SLC15A2: variants seen among roughly 807,000 people sequenced by gnomAD.
SLC15A2 encodes the protein solute carrier family 15 member 2.
In SLC15A2, 77 loss-of-function variants were observed where a neutral mutation model predicts 95.5. The ratio of observed to expected loss-of-function variants is 0.81; its 90% CI spans 0.67 to 0.97. SLC15A2 has a LOEUF of 0.97. Among genes scored for constraint, SLC15A2 ranks in the 50% least tolerant of loss-of-function variants. The pLI, the probability that SLC15A2 is intolerant of heterozygous loss-of-function variation, is 0.00. For missense variants in SLC15A2, 893 were observed against 874.4 expected, an observed-to-expected ratio of 1.02 and a Z score of -0.27; for synonymous variants, 306 against 306.9, an observed-to-expected ratio of 1.00 and a Z score of 0.03.
chr3:121,898,246 A>T (rs1430211266), intron 3 of SLC15A2, among the ~76,000 whole-genome samples: 1 of 151,268 alleles, frequency 6.6e-6, no homozygotes, highest in Admixed American at 6.6e-5. Flanking sequence ...GAGTTATCCC[A>T]CCTCCTTTAG....
intron 19 of SLC15A2, among the ~76,000 whole-genome samples, chr3:121,931,975 C>T (rs1256350600): frequency 6.6e-6 from 1 of 152,194 alleles, no homozygotes; most frequent in Non-Finnish European, 1.5e-5. Flanking sequence ...TCTCGACTCA[C>T]TGCAACCTCT....
At chr3:121,933,651 T>G (rs1710278093) in intron 19 of SLC15A2, among the ~76,000 whole-genome samples, 1 of 151,672 alleles carries the variant, frequency 6.6e-6, no homozygotes, top group South Asian at 2.1e-4. Flanking sequence ...CATTGTAGAT[T>G]CTGGATATTA....
At position 121,942,528 on chromosome 3, in the gene SLC15A2, C is replaced by T. The variant is rs1436910796; in HGVS notation, c.*1521C>T. 1 of 152,086 alleles carries T rather than the reference C, an allele frequency of 6.6e-6. No homozygotes were observed. The highest frequency in any genetic ancestry group is 2.4e-5 in the African/African-American group (1 of 41,414). 9.4% of individuals were successfully genotyped at this position (152,086 alleles called of 1,614,324 possible). ...AGGTAAGAGAAATTGCTCTAAGTGC[C>T]CAAACTTTATATACTTCAGTTTTAA... On this transcript the variant is annotated 3_prime_UTR_variant, in exon 22 of 22. Transcript: ENST00000489711.
rs371513641 is a variant in SLC15A2, at chr3:121,911,666, C to A, written c.428C>A (p.Thr143Lys). ...ATACTGGGAGGACAAGTGGTACACA[C>A]GTGAGTAAAATCATGGAATCAACTA... ...LPILGGQVVHTVLSLIGLSLI... is the reference protein window; with the variant it reads ...LPILGGQVVHKVLSLIGLSLI... The change falls in exon 4 of 22, where the codon ACA (threonine) becomes AAA (lysine). Residue 143 changes from threonine to lysine, a missense_variant and splice_region_variant. Thr to Lys is a moderately conservative substitution (Grantham distance 78). Coordinates refer to ENST00000489711, the MANE Select transcript of SLC15A2 (RefSeq NM_021082.4). 4 of 1,594,040 alleles carry A rather than the reference C, an allele frequency of 2.5e-6. No individual in the cohort carries two copies. The highest frequency in any genetic ancestry group is 3.4e-6 in the Non-Finnish European group (4 of 1,161,950).
chr3:121,916,290 C>T (rs1709893005), intron 7 of SLC15A2, among the ~76,000 whole-genome samples: 1 of 152,098 alleles, frequency 6.6e-6, no homozygotes, highest in Middle Eastern at 3.2e-3. Context: ...AGAACCCAGT[C>T]CTGGAAGAGA....
In SLC15A2 at chr3:121,927,532, C is replaced by T. The variant is rs79921699; in HGVS notation, c.1125-226C>T. The T allele has an allele frequency of 1.6e-3, 756 of 462,444 alleles. 2 individuals carry two copies. Among genetic ancestry groups the T allele is most frequent in the African/African-American group, 0.013 (686 of 51,632 alleles). The allele number at this position is 462,444 out of a possible 1,614,324, so 28.6% of individuals were successfully genotyped here. A position where few individuals can be genotyped will look rare whatever the true frequency, so the allele number is the denominator to read the frequency against. ...GCTTCTCCCATGATTGAAAGCTCCT[C>T]GATGCTTCACCAGAAGCTGGAAGAT... On this transcript the variant is annotated intron_variant, in intron 13 of 21. Transcript: ENST00000489711.
At chr3:121,928,620 C>T (rs1316301) in intron 15 of SLC15A2, 65 bp downstream of exon 15, 695,335 of 1,525,004 alleles carry the variant, frequency 0.46, 162,874 homozygotes, top group East Asian at 0.72. Flanking sequence ...TTTTCCTTAA[C>T]ATTAATTGTA....
intron 7 of SLC15A2, among the ~76,000 whole-genome samples, chr3:121,921,471 T>A (rs9816071): frequency 0.45 from 67,983 of 151,800 alleles, 15,806 homozygotes; most frequent in East Asian, 0.69. Flanking sequence ...TTCCTTAATA[T>A]TCCTTCATGT....
At chr3:121,939,769 C>T (rs1049519529) in intron 20 of SLC15A2, among the ~76,000 whole-genome samples, 1 of 151,972 alleles carries the variant, frequency 6.6e-6, no homozygotes, top group Non-Finnish European at 1.5e-5. Context: ...GGCTGCATGA[C>T]CTATTGTGTA....
Position 121,911,265 on chromosome 3 carries a change from T to C in SLC15A2, c.336-309T>C, listed in dbSNP as rs185411618. On this transcript the variant is annotated intron_variant, in intron 3 of 21. Transcript: ENST00000489711. ...TTGTTCTTGTCATGTCTGTACAAAG[T>C]AGGGTTTCTCTGTGTGTGTGTGGAG... Among the ~76,000 whole-genome samples, 837 of 152,330 alleles carry C rather than the reference T, an allele frequency of 5.5e-3. 9 individuals are homozygous for C. Among genetic ancestry groups the C allele is most frequent in the African/African-American group, 0.019 (776 of 41,574 alleles).
chr3:121,937,842 T>A (rs1260293824), intron 19 of SLC15A2, among the ~76,000 whole-genome samples: 1 of 152,174 alleles, frequency 6.6e-6, no homozygotes, highest in Admixed American at 6.5e-5. Context: ...AGAGGTGCTC[T>A]GCTTTTTAGA....
At chr3:121,930,516 T>C (rs1328341892) in intron 17 of SLC15A2, among the ~76,000 whole-genome samples, 1 of 152,206 alleles carries the variant, frequency 6.6e-6, no homozygotes, top group Non-Finnish European at 1.5e-5. Context: ...ATAAATTAGA[T>C]GCACCTAAGC....
intron 7 of SLC15A2, among the ~76,000 whole-genome samples, chr3:121,921,777 G>C (rs568592806): frequency 6.6e-6 from 1 of 152,302 alleles, no homozygotes; most frequent in South Asian, 2.1e-4. Flanking sequence ...TCCTGAACAA[G>C]AGTGGTAGCA....
chr3:121,922,412 C>A (rs1397795694), intron 8 of SLC15A2, 110 bp downstream of exon 8: 2 of 770,536 alleles, frequency 2.6e-6, no homozygotes, highest in Admixed American at 5.3e-5. Flanking sequence ...GACCTCTATT[C>A]TATTTTCATG....
rs1477511465 is a variant in SLC15A2 at position 121,944,083 on chromosome 3, A to C, written c.*3076A>C. 2 of 152,262 alleles carry C rather than the reference A, an allele frequency of 1.3e-5. No individual in the cohort carries two copies. The highest frequency in any genetic ancestry group is 2.1e-4 in the South Asian group (1 of 4,836). The allele number at this position is 152,262 out of a possible 1,614,324, so 9.4% of individuals were successfully genotyped here. Reference sequence around the variant, plus strand: ...GGAAAAGAGGTATAAATGCAGTATTATAATCTAATGGGACCACCATCACAT... The same window carrying C: ...GGAAAAGAGGTATAAATGCAGTATTCTAATCTAATGGGACCACCATCACAT... On this transcript the variant is annotated 3_prime_UTR_variant, in exon 22 of 22. Transcript: ENST00000489711.
chr3:121,913,933 TTC>T (rs1412083301), intron 5 of SLC15A2, among the ~76,000 whole-genome samples: 2 of 147,246 alleles, frequency 1.4e-5, no homozygotes, highest in Admixed American at 6.8e-5. Context: ...CCTTCTCTCT[TTC>T]TCTCTCTCCC....
At position 121,942,610 on chromosome 3, in the gene SLC15A2, A is replaced by G. The variant is rs1710482478; in HGVS notation, c.*1603A>G. ...GCCAGACCAACCAGTTTTTCCAGAT[A>G]TCTTGATGTGAACCTGACCCTACTC... On this transcript the variant is annotated 3_prime_UTR_variant, in exon 22 of 22. Transcript: ENST00000489711. The G allele has an allele frequency of 6.6e-6, 1 of 152,296 alleles. No individual in the cohort carries two copies. Among genetic ancestry groups the G allele is most frequent in the African/African-American group, 2.4e-5 (1 of 41,572 alleles). 9.4% of individuals were successfully genotyped at this position (152,296 alleles called of 1,614,324 possible). A position where few individuals can be genotyped will look rare whatever the true frequency, so the allele number is the denominator to read the frequency against.
chr3:121,904,595 T>G (rs1370393836), intron 3 of SLC15A2, among the ~76,000 whole-genome samples: 1 of 152,236 alleles, frequency 6.6e-6, no homozygotes, highest in African/African-American at 2.4e-5. Context: ...CTTTTCTGCA[T>G]CTATTGAGAT....
intron 3 of SLC15A2, among the ~76,000 whole-genome samples, chr3:121,909,348 C>T (rs1340381202): frequency 6.6e-6 from 1 of 152,184 alleles, no homozygotes; most frequent in African/African-American, 2.4e-5. Flanking sequence ...CAGGGGTGAA[C>T]CACTGCAACT....
Sources: allele counts gnomAD v4.1 joint callset (sites outside exome capture counted in the v4.1 genomes callset), GRCh38; gene constraint gnomAD v4.1.1; transcripts MANE v1.5; gene names NCBI Gene and HGNC (gene_info 2026-07-23, HGNC 2026-07-21).